Variants in WWP2 observed in about 807,000 individuals in gnomAD.
WWP2 encodes NEDD4-like E3 ubiquitin-protein ligase WWP2.
In WWP2, 57 loss-of-function variants were observed where a neutral mutation model predicts 121.0. That is an observed-to-expected ratio of 0.47 (90% confidence interval 0.38 to 0.59). The LOEUF is 0.59. Ranked by LOEUF, WWP2 falls within the 20% of genes least tolerant of loss-of-function variation. The pLI is 0.00. For synonymous variants in WWP2, 449 were observed against 441.3 expected, an observed-to-expected ratio of 1.02 and a Z score of -0.22; for missense variants, 962 against 1,158.9, an observed-to-expected ratio of 0.83 and a Z score of 2.47.
intron 9 of WWP2, chr16:69,909,898 C>A: frequency 5.0e-6 from 1 of 198,534 alleles, no homozygotes; most frequent in Non-Finnish European, 9.0e-6. Flanking sequence ...CTAGTCGGCA[C>A]ACTATGATGG....
intron 2 of WWP2, among the ~76,000 whole-genome samples, chr16:69,797,275 C>T (rs1055621637): frequency 2.0e-5 from 3 of 152,116 alleles, no homozygotes; most frequent in African/African-American, 4.8e-5. Flanking sequence ...ACTAACGACA[C>T]ATGGCAAAAA....
chr16:69,844,467 C>T (rs1007955289), intron 6 of WWP2, among the ~76,000 whole-genome samples: 3 of 152,086 alleles, frequency 2.0e-5, no homozygotes, highest in Admixed American at 6.5e-5. Context: ...TCAAACACAC[C>T]CATATAACTT....
intron 13 of WWP2, 69 bp from the exon 14 acceptor site, chr16:69,931,083 G>T: frequency 2.7e-6 from 4 of 1,500,200 alleles, no homozygotes; most frequent in African/African-American, 2.8e-5. Context: ...TTTCCTTAGG[G>T]CTGACAAAGA....
intron 6 of WWP2, among the ~76,000 whole-genome samples, chr16:69,868,052 C>T (rs1260786586): frequency 6.6e-6 from 1 of 152,208 alleles, no homozygotes; most frequent in Non-Finnish European, 1.5e-5. Context: ...AGAGGAGTTG[C>T]CTCAGATGTT....
At chr16:69,796,734 C>T (rs998655250) in intron 2 of WWP2, among the ~76,000 whole-genome samples, 3 of 152,202 alleles carry the variant, frequency 2.0e-5, no homozygotes, top group African/African-American at 7.2e-5. Context: ...CACTGCACCT[C>T]ATTTTTCTAC....
intron 1 of WWP2, among the ~76,000 whole-genome samples, chr16:69,783,407 G>A (rs942534813): frequency 2.0e-5 from 3 of 151,992 alleles, no homozygotes; most frequent in Non-Finnish European, 4.4e-5. Flanking sequence ...TTGGTGGTCC[G>A]ATCCTGTATT....
chr16:69,933,202 G>A (rs1162949637), intron 16 of WWP2: 2 of 461,826 alleles, frequency 4.3e-6, no homozygotes, highest in East Asian at 6.8e-5. Flanking sequence ...CGGACTCCTC[G>A]TCTGCCCAGC....
intron 10 of WWP2, 79 bp downstream of exon 10, chr16:69,917,962 C>A: frequency 1.3e-6 from 2 of 1,526,178 alleles, no homozygotes; most frequent in Non-Finnish European, 1.8e-6. Context: ...TCTCTGTTGA[C>A]CTGCTTAGTG....
intron 6 of WWP2, among the ~76,000 whole-genome samples, chr16:69,856,837 C>CT (rs1412443621): frequency 6.6e-6 from 1 of 152,014 alleles, no homozygotes; most frequent in Non-Finnish European, 1.5e-5. Flanking sequence ...TGACGTTAAC[C>CT]TAACTATCCC....
chr16:69,778,958 TTTA>T lies in WWP2; in HGVS notation c.-15-8035_-15-8033del, dbSNP rs1486708950. On this transcript the variant is annotated intron_variant, in intron 1 of 23. Transcript: ENST00000359154. ...ACCTGGCCGGTTATTTATTTATTTATTTATTTTTTGAGATGGAGTCTCGCTCTG... is the reference window on the plus strand; with the variant it reads ...ACCTGGCCGGTTATTTATTTATTTATTTTTTTGAGATGGAGTCTCGCTCTG... Among the ~76,000 whole-genome samples the T allele has an allele frequency of 1.6e-4, 23 of 146,322 alleles. 2 individuals carry two copies. The highest frequency in any genetic ancestry group is 1.5e-3 in the South Asian group (7 of 4,570).
At chr16:69,801,619 C>G (rs2151817176) in intron 4 of WWP2, among the ~76,000 whole-genome samples, 1 of 152,242 alleles carries the variant, frequency 6.6e-6, no homozygotes, top group South Asian at 2.1e-4. Context: ...ACGATCACAG[C>G]TCACTGTAGC....
intron 6 of WWP2, among the ~76,000 whole-genome samples, chr16:69,858,045 GT>G (rs1284559462): frequency 6.6e-6 from 1 of 151,902 alleles, no homozygotes; most frequent in Non-Finnish European, 1.5e-5. Flanking sequence ...TCATTATTTT[GT>G]AGTGGAGAAT....
intron 4 of WWP2, among the ~76,000 whole-genome samples, chr16:69,814,273 G>A (rs917347386): frequency 1.3e-5 from 2 of 152,038 alleles, no homozygotes; most frequent in African/African-American, 4.8e-5. Context: ...CGATCCTCTT[G>A]CCTCAGCCTC....
chr16:69,816,071 C>T (rs2056484241), intron 4 of WWP2, among the ~76,000 whole-genome samples: 2 of 152,124 alleles, frequency 1.3e-5, no homozygotes, highest in Non-Finnish European at 2.9e-5. Context: ...CTGGTGCCTT[C>T]AACAGGCTTC....
At chr16:69,921,534 A>G (rs2058561478) in intron 10 of WWP2, among the ~76,000 whole-genome samples, 1 of 152,024 alleles carries the variant, frequency 6.6e-6, no homozygotes, top group Non-Finnish European at 1.5e-5. Flanking sequence ...AGTTCCTCTA[A>G]ATTCTGGTTC....
At chr16:69,795,259 TACACACACACACACACAC>T (rs10578834) in intron 2 of WWP2, among the ~76,000 whole-genome samples, 5 of 92,964 alleles carry the variant, frequency 5.4e-5, no homozygotes, top group Non-Finnish European at 1.7e-4. Context: ...AAAATGCGGA[TACACACACACACACACAC>T]ACACACACAC....
intron 6 of WWP2, among the ~76,000 whole-genome samples, chr16:69,869,895 A>C (rs1309760607): frequency 2.0e-5 from 3 of 152,188 alleles, no homozygotes; most frequent in Admixed American, 6.5e-5. Flanking sequence ...GACTCCCAGC[A>C]GGGTCGTTCT....
At chr16:69,833,291 G>A (rs1246380351) in intron 4 of WWP2, among the ~76,000 whole-genome samples, 3 of 152,240 alleles carry the variant, frequency 2.0e-5, no homozygotes, top group Admixed American at 6.5e-5. Flanking sequence ...TGGACAGCGT[G>A]TCCTTTACAG....
At chr16:69,896,055 G>A (rs953727825) in intron 8 of WWP2, among the ~76,000 whole-genome samples, 1 of 152,152 alleles carries the variant, frequency 6.6e-6, no homozygotes, top group Non-Finnish European at 1.5e-5. Flanking sequence ...CGGAGGCTGG[G>A]CCATGAGATG....
Sources: gnomAD v4.1 joint callset for allele counts (sites outside exome capture counted in the v4.1 genomes callset) on GRCh38, gnomAD v4.1.1 for gene constraint, MANE v1.5 for transcripts, NCBI Gene and HGNC (gene_info 2026-07-23, HGNC 2026-07-21) for gene names.